GREM2: variants seen among roughly 807,000 people sequenced by gnomAD.
GREM2 encodes the protein gremlin 2, DAN family BMP antagonist.
In GREM2, 11 loss-of-function variants were observed where a neutral mutation model predicts 14.2. The observed-to-expected ratio is 0.78, with a 90% CI of 0.49 to 1.28. GREM2 has a LOEUF of 1.28. GREM2 is among the 50% of genes most tolerant of loss of function. GREM2 has a pLI of 0.00. For missense variants in GREM2, 210 were observed against 218.5 expected (o/e 0.96, Z 0.24); for synonymous variants, 98 against 97.6 (o/e 1.00, Z -0.02).
intron 1 of GREM2, among the ~76,000 whole-genome samples, chr1:240,509,515 T>A (rs1677756272): frequency 6.6e-6 from 1 of 152,008 alleles, no homozygotes; most frequent in Non-Finnish European, 1.5e-5. Context: ...ATTACAGGCA[T>A]GCACCAACAA....
intron 1 of GREM2, among the ~76,000 whole-genome samples, chr1:240,521,404 T>A (rs1031271470): frequency 6.6e-6 from 1 of 151,538 alleles, no homozygotes; most frequent in African/African-American, 2.4e-5. Context: ...CCGTCTCTAC[T>A]AAAAATACAA....
chr1:240,546,642 C>G (rs536856088), intron 1 of GREM2, among the ~76,000 whole-genome samples: 1 of 152,182 alleles, frequency 6.6e-6, no homozygotes, highest in African/African-American at 2.4e-5. Context: ...GCAAATGATA[C>G]TAATTGTATC....
intron 1 of GREM2, among the ~76,000 whole-genome samples, chr1:240,573,942 C>G (rs929747248): frequency 6.6e-6 from 1 of 152,014 alleles, no homozygotes; most frequent in Non-Finnish European, 1.5e-5. Flanking sequence ...TTTGTTTTGA[C>G]GAACTCTCAC....
chr1:240,544,233 C>T (rs529473712), intron 1 of GREM2, among the ~76,000 whole-genome samples: 13 of 150,750 alleles, frequency 8.6e-5, no homozygotes, highest in East Asian at 5.9e-4. Flanking sequence ...CTGTAAGTTC[C>T]GCCTCCTGGG....
chr1:240,504,250 A>C (rs750614145), intron 1 of GREM2, among the ~76,000 whole-genome samples: 8 of 152,206 alleles, frequency 5.3e-5, no homozygotes, highest in Non-Finnish European at 1.2e-4. Context: ...TTTATTTCAA[A>C]GTGTGTTCCA....
intron 1 of GREM2, among the ~76,000 whole-genome samples, chr1:240,526,271 C>T (rs1235156609): frequency 1.3e-5 from 2 of 152,188 alleles, no homozygotes; most frequent in East Asian, 1.9e-4. Flanking sequence ...ACAATTCATC[C>T]TGAGACATTA....
chr1:240,535,750 G>A (rs1332451221), intron 1 of GREM2, among the ~76,000 whole-genome samples: 1 of 143,294 alleles, frequency 7.0e-6, no homozygotes, highest in Non-Finnish European at 1.5e-5. Context: ...AGTGAGCCGA[G>A]ATTGTGCCAT....
chr1:240,552,827 T>C (rs980223730), intron 1 of GREM2, among the ~76,000 whole-genome samples: 16 of 152,224 alleles, frequency 1.1e-4, no homozygotes, highest in African/African-American at 3.9e-4. Context: ...TGTAAGGTGA[T>C]AAAACATTAA....
chr1:240,556,560 C>T (rs1238042154), intron 1 of GREM2, among the ~76,000 whole-genome samples: 2 of 151,788 alleles, frequency 1.3e-5, no homozygotes, highest in African/African-American at 4.8e-5. Context: ...AGCAAGCTAA[C>T]CAAAAGGCAA....
intron 1 of GREM2, among the ~76,000 whole-genome samples, chr1:240,534,437 C>T (rs1428668441): frequency 1.3e-5 from 2 of 152,164 alleles, no homozygotes; most frequent in African/African-American, 4.8e-5. Context: ...CGCCTGTAAT[C>T]CCAGCACTTT....
chr1:240,503,772 T>C (rs1246825100), intron 1 of GREM2, among the ~76,000 whole-genome samples: 1 of 152,216 alleles, frequency 6.6e-6, no homozygotes, highest in African/African-American at 2.4e-5. Context: ...ACCATACATG[T>C]TTCCTGTGCT....
At chr1:240,611,616 T>C (rs1167087179) in intron 1 of GREM2, among the ~76,000 whole-genome samples, 1 of 152,080 alleles carries the variant, frequency 6.6e-6, no homozygotes, top group Non-Finnish European at 1.5e-5. Flanking sequence ...ATTGACGTTA[T>C]TTAAAAGAGA....
chr1:240,543,106 C>G lies in GREM2; in HGVS notation c.-1-49630G>C, dbSNP rs1558155944. ...TTTCAAAAGCATTTCCTCGATCACTCTGTCATGATTATTTGACTATTATTT... is the reference window on the plus strand; with the variant it reads ...TTTCAAAAGCATTTCCTCGATCACTGTGTCATGATTATTTGACTATTATTT... On this transcript the variant is annotated intron_variant, in intron 1 of 1. Coordinates refer to ENST00000318160, the MANE Select transcript of GREM2 (RefSeq NM_022469.4). This position sits in a 1 kb window ranked among gnomAD's most constrained non-coding sequence, Gnocchi z 6.4. 1.3e-5 allele frequency among the ~76,000 whole-genome samples: 2 copies of G among 152,214 alleles called. No homozygotes were observed. Among genetic ancestry groups the G allele is most frequent in the South Asian group, 2.1e-4 (1 of 4,826 alleles).
intron 1 of GREM2, among the ~76,000 whole-genome samples, chr1:240,545,380 A>C (rs2103330834): frequency 6.6e-6 from 1 of 152,348 alleles, no homozygotes; most frequent in South Asian, 2.1e-4. Context: ...CTTGTCCTAT[A>C]CGTCTCTTCA....
chr1:240,581,492 A>G (rs1572409222), intron 1 of GREM2, among the ~76,000 whole-genome samples: 2 of 152,212 alleles, frequency 1.3e-5, no homozygotes, highest in Admixed American at 1.3e-4. Context: ...AAGTTAAAAT[A>G]ACACCTATCT....
At chr1:240,509,721 A>C (rs1677762585) in intron 1 of GREM2, among the ~76,000 whole-genome samples, 1 of 152,124 alleles carries the variant, frequency 6.6e-6, no homozygotes, top group Non-Finnish European at 1.5e-5. Context: ...CTTCCCATGA[A>C]GTTCGAATCT....
intron 1 of GREM2, among the ~76,000 whole-genome samples, chr1:240,599,776 T>C (rs1247527390): frequency 1.3e-5 from 2 of 152,176 alleles, no homozygotes; most frequent in Non-Finnish European, 2.9e-5. Flanking sequence ...GCTTTATCCA[T>C]CACACCAGCT....
chr1:240,542,941 T>A lies in GREM2; in HGVS notation c.-1-49465A>T, dbSNP rs1319075580. ...AAAGAGCTCTCTCCACTCTTAGAAGTTCTGTAAGATCCCACCAAAAAATAT... is the reference window on the plus strand; with the variant it reads ...AAAGAGCTCTCTCCACTCTTAGAAGATCTGTAAGATCCCACCAAAAAATAT... On this transcript the variant is annotated intron_variant, in intron 1 of 1. Transcript: ENST00000318160. The surrounding 1 kb of genome is among the most constrained non-coding windows in gnomAD (Gnocchi z 4.1). 6.6e-6 allele frequency among the ~76,000 whole-genome samples: 1 copy of A among 152,160 alleles called. No individual in the cohort carries two copies. Among genetic ancestry groups the A allele is most frequent in the African/African-American group, 2.4e-5 (1 of 41,448 alleles).
intron 1 of GREM2, among the ~76,000 whole-genome samples, chr1:240,508,504 G>T (rs373624536): frequency 1.5e-4 from 23 of 152,172 alleles, no homozygotes; most frequent in African/African-American, 4.8e-4. Flanking sequence ...ATCTTTCCTA[G>T]GATCAGCCTA....
Sources: gnomAD v4.1 joint callset for allele counts (sites outside exome capture counted in the v4.1 genomes callset) on GRCh38, gnomAD v4.1.1 for gene constraint, Gnocchi (gnomAD v3.1) non-coding constraint, MANE v1.5 for transcripts, NCBI Gene and HGNC (gene_info 2026-07-23, HGNC 2026-07-21) for gene names.